THSD7B: variants seen among roughly 807,000 people sequenced by gnomAD.
The protein encoded by THSD7B is thrombospondin type 1 domain containing 7B.
THSD7B carries 138 observed loss-of-function variants against 213.6 expected under a neutral mutation model. The ratio of observed to expected loss-of-function variants is 0.65; its 90% confidence interval spans 0.56 to 0.74. THSD7B has a LOEUF of 0.74. THSD7B is among the 30% of genes least tolerant of loss of function. THSD7B has a pLI of 0.00. For missense variants in THSD7B, 1,931 were observed against 1,991.5 expected (o/e 0.97, Z 0.58); for synonymous variants, 742 against 687.0 (o/e 1.08, Z -1.25).
intron 10 of THSD7B, among the ~76,000 whole-genome samples, chr2:137,249,953 GCTGTTTTATTACTC>G (rs2105072129): frequency 6.6e-6 from 1 of 152,312 alleles, no homozygotes; most frequent in African/African-American, 2.4e-5. Context: ...TAAAGGAAGA[GCTGTTTTATTACTC>G]CTGCTTCACA....
chr2:137,174,725 G>T (rs928419149), intron 7 of THSD7B, among the ~76,000 whole-genome samples: 1 of 152,104 alleles, frequency 6.6e-6, no homozygotes, highest in African/African-American at 2.4e-5. Flanking sequence ...GTTCTTATTT[G>T]GAATCTGATT....
chr2:136,804,265 TC>T (rs1185262020), intron 1 of THSD7B, among the ~76,000 whole-genome samples: 3 of 152,150 alleles, frequency 2.0e-5, no homozygotes, highest in African/African-American at 7.2e-5. Flanking sequence ...GCAAAGATCT[TC>T]CGTATATAAT....
intron 5 of THSD7B, among the ~76,000 whole-genome samples, chr2:137,138,668 G>A (rs1168463784): frequency 6.6e-6 from 1 of 152,070 alleles, no homozygotes; most frequent in East Asian, 1.9e-4. Context: ...TCTACATCTT[G>A]TTTTGTTTCT....
chr2:136,963,293 T>C (rs1685256731), intron 2 of THSD7B, among the ~76,000 whole-genome samples: 2 of 152,040 alleles, frequency 1.3e-5, no homozygotes, highest in South Asian at 2.1e-4. Context: ...GTAATTGGCC[T>C]TGGAAAGGCT....
At chr2:137,002,860 A>T in intron 2 of THSD7B, among the ~76,000 whole-genome samples, 1 of 152,092 alleles carries the variant, frequency 6.6e-6, no homozygotes, top group East Asian at 1.9e-4. Context: ...ATTTTTTCTT[A>T]TACTTCTTAT....
chr2:136,888,956 T>C (rs940424198), intron 2 of THSD7B, among the ~76,000 whole-genome samples: 1 of 151,784 alleles, frequency 6.6e-6, no homozygotes, highest in African/African-American at 2.4e-5. Context: ...TGTGTGTGTG[T>C]GTGTGTGTGT....
chr2:137,107,274 A>G (rs1386219087), intron 4 of THSD7B, among the ~76,000 whole-genome samples: 1 of 152,218 alleles, frequency 6.6e-6, no homozygotes, highest in African/African-American at 2.4e-5. Flanking sequence ...ATTCTCAGCA[A>G]ACTAACACAG....
chr2:137,067,367 G>C (rs1687401803), intron 3 of THSD7B, among the ~76,000 whole-genome samples: 1 of 152,008 alleles, frequency 6.6e-6, no homozygotes, highest in African/African-American at 2.4e-5. Flanking sequence ...TATAGTTGTA[G>C]GTGTCAGGGG....
chr2:137,252,199 A>G (rs111545171), intron 10 of THSD7B, among the ~76,000 whole-genome samples: 5,653 of 140,878 alleles, frequency 0.04, 225 homozygotes, highest in Middle Eastern at 0.12. Flanking sequence ...CCCGGGAGGC[A>G]GAGGTTGCAG....
intron 14 of THSD7B, among the ~76,000 whole-genome samples, chr2:137,415,010 C>A (rs545554395): frequency 7.1e-6 from 1 of 141,512 alleles, no homozygotes; most frequent in African/African-American, 2.5e-5. Context: ...GAGCCAACAT[C>A]GTGCCACTGC....
At chr2:137,636,942 C>T (rs1284052879) in intron 20 of THSD7B, among the ~76,000 whole-genome samples, 1 of 152,230 alleles carries the variant, frequency 6.6e-6, no homozygotes, top group Non-Finnish European at 1.5e-5. Flanking sequence ...CCTGCCTCAG[C>T]CTTCCAAAAT....
chr2:137,177,635 G>T (rs1395542212), intron 7 of THSD7B, among the ~76,000 whole-genome samples: 1 of 152,178 alleles, frequency 6.6e-6, no homozygotes, highest in Non-Finnish European at 1.5e-5. Flanking sequence ...AGGTGATGCT[G>T]GTGTTGATCC....
In THSD7B at chr2:137,160,228, A is replaced by T. The variant is rs772063624; in HGVS notation, c.1385A>T (p.Glu462Val). The T allele has an allele frequency of 6.2e-7, 1 of 1,612,846 alleles. No individual in the cohort carries two copies. Among genetic ancestry groups the T allele is most frequent in the Non-Finnish European group, 8.5e-7 (1 of 1,179,296 alleles). ...TGTCCCTCAGTCTCTAGACCTGTGG[A>T]AAAGGCATTATGTGTGGGACCCGCC... Reference protein sequence around the residue: ...LRAKEVSRPVEKALCVGPAPL... With the variant: ...LRAKEVSRPVVKALCVGPAPL... The change falls in exon 6 of 28, where the codon GAA (glutamate) becomes GTA (valine). Residue 462 changes from glutamate to valine, a missense_variant. Physicochemically the swap from Glu to Val is moderately radical, Grantham distance 121. Transcript: ENST00000409968.
chr2:137,617,719 AT>A (rs1435547065), intron 18 of THSD7B, among the ~76,000 whole-genome samples: 3 of 152,166 alleles, frequency 2.0e-5, no homozygotes, highest in Non-Finnish European at 4.4e-5. Flanking sequence ...AAACACATAA[AT>A]GTATTTCTTA....
intron 12 of THSD7B, among the ~76,000 whole-genome samples, chr2:137,314,183 T>G (rs1302042785): frequency 6.6e-6 from 1 of 152,204 alleles, no homozygotes; most frequent in Non-Finnish European, 1.5e-5. Context: ...TAGTCCCATA[T>G]TTCTTGGAGG....
chr2:137,558,437 A>G (rs1463402961), intron 15 of THSD7B, among the ~76,000 whole-genome samples: 1 of 152,242 alleles, frequency 6.6e-6, no homozygotes, highest in Non-Finnish European at 1.5e-5. Context: ...ATAATCCAGC[A>G]TATAAACAGA....
intron 2 of THSD7B, among the ~76,000 whole-genome samples, chr2:137,018,895 TC>T (rs1411691384): frequency 9.9e-5 from 15 of 152,182 alleles, no homozygotes; most frequent in African/African-American, 3.1e-4. Flanking sequence ...CTACCCAGAC[TC>T]TTTCCTCTGC....
At chr2:137,094,224 C>T (rs1687999097) in intron 3 of THSD7B, among the ~76,000 whole-genome samples, 2 of 152,160 alleles carry the variant, frequency 1.3e-5, no homozygotes, top group Admixed American at 6.5e-5. Context: ...ACAGTTGTGA[C>T]ACCTGAAAAC....
At chr2:137,037,589 G>T (rs895357420) in intron 2 of THSD7B, among the ~76,000 whole-genome samples, 6 of 151,970 alleles carry the variant, frequency 3.9e-5, no homozygotes, top group African/African-American at 1.5e-4. Flanking sequence ...TTCCCAACAG[G>T]TCTTGATTTG....
Sources: gnomAD v4.1 joint callset for allele counts (sites outside exome capture counted in the v4.1 genomes callset) on GRCh38, gnomAD v4.1.1 for gene constraint, MANE v1.5 for transcripts, NCBI Gene and HGNC (gene_info 2026-07-23, HGNC 2026-07-21) for gene names.